The following ANOS1 variants were observed in gnomAD, a reference collection of about 807,000 sequenced individuals.
ANOS1 encodes the protein anosmin-1.
ANOS1 carries 6 observed loss-of-function variants against 59.0 expected under a neutral mutation model. The observed-to-expected ratio is 0.10, with a 90% CI of 0.06 to 0.20. The LOEUF is 0.20. Ranked by LOEUF, ANOS1 falls within the 10% of genes least tolerant of loss-of-function variation. ANOS1 has a pLI of 1.00. For missense variants in ANOS1, 433 were observed against 542.3 expected (o/e 0.80, Z 2.00); for synonymous variants, 217 against 223.4 (o/e 0.97, Z 0.25).
intron 4 of ANOS1, among the ~76,000 whole-genome samples, chrX:8,592,494 C>T (rs768119895): frequency 3.6e-5 from 4 of 111,930 alleles, no homozygotes; most frequent in South Asian, 3.7e-4. Context: ...TGAATCTTTA[C>T]GTTTGTAAAA....
intron 3 of ANOS1, among the ~76,000 whole-genome samples, chrX:8,619,070 CAAAAAAAAAAAAA>C (rs1164164251): frequency 0.53 from 23,599 of 44,636 alleles, 3,410 homozygotes; most frequent in Middle Eastern, 0.72. Context: ...AAACCTCTCT[CAAAAAAAAAAAAA>C]AAAAAAAAAA....
chrX:8,594,751 CATAT>C (rs1194283321), intron 4 of ANOS1, among the ~76,000 whole-genome samples: 3 of 41,597 alleles, frequency 7.2e-5, no homozygotes, highest in African/African-American at 2.2e-4. Flanking sequence ...TATATATATA[CATAT>C]ATATATATAT....
At chrX:8,541,408 C>T (rs1929683437) in intron 9 of ANOS1, among the ~76,000 whole-genome samples, 2 of 68,848 alleles carry the variant, frequency 2.9e-5, no homozygotes, top group African/African-American at 4.5e-5. Flanking sequence ...CGTCTCCCAC[C>T]ACCCCCCCCC....
chrX:8,695,664 AG>A (rs1932673675), intron 2 of ANOS1, among the ~76,000 whole-genome samples: 3 of 104,380 alleles, frequency 2.9e-5, no homozygotes, highest in Admixed American at 1.0e-4. Flanking sequence ...CAGTTTTGCC[AG>A]GAAGTTACAC....
At chrX:8,614,338 G>T (rs1196200023) in intron 3 of ANOS1, among the ~76,000 whole-genome samples, 2 of 112,193 alleles carry the variant, frequency 1.8e-5, no homozygotes, top group African/African-American at 3.2e-5. Flanking sequence ...TCTAGAGACA[G>T]TGTTAGGGAA....
At chrX:8,559,483 C>A (rs1333893848) in intron 8 of ANOS1, among the ~76,000 whole-genome samples, 1 of 111,795 alleles carries the variant, frequency 8.9e-6, no homozygotes, top group African/African-American at 3.2e-5. Flanking sequence ...TAAATCAAAA[C>A]ACCATTAAAT....
chrX:8,673,221 T>C lies in ANOS1; in HGVS notation c.255+26477A>G, dbSNP rs111764414. 6.9e-3 allele frequency among the ~76,000 whole-genome samples: 760 copies of C among 109,890 alleles called. 4 individuals carry two copies. Among genetic ancestry groups the C allele is most frequent in the African/African-American group, 0.017 (507 of 30,240 alleles). On this transcript the variant is annotated intron_variant, in intron 2 of 13. Coordinates refer to ENST00000262648, the MANE Select transcript of ANOS1 (RefSeq NM_000216.4). ...CATTATTTTGGTAAACAGCACTGAA[T>C]GTTCCATGCACGGCAAACAACTAAT... is the stretch of plus-strand genomic sequence containing the variant.
intron 2 of ANOS1, among the ~76,000 whole-genome samples, chrX:8,667,995 C>T (rs760303778): frequency 5.4e-5 from 6 of 110,787 alleles, no homozygotes; most frequent in Non-Finnish European, 9.4e-5. Context: ...AAAATGCTGA[C>T]GAGTGTCAAG....
chrX:8,671,154 T>A lies in ANOS1; in HGVS notation c.255+28544A>T, dbSNP rs192403366. Among the ~76,000 whole-genome samples, 100 of 111,739 alleles carry A rather than the reference T, an allele frequency of 8.9e-4. 1 individual carries two copies. The highest frequency in any genetic ancestry group is 6.8e-3 in the South Asian group (18 of 2,657). ...CCTCTCTGGCTTCCATCACTGCACT[T>A]TATACAGAATATAAAAGACTTGATC... On this transcript the variant is annotated intron_variant, in intron 2 of 13. Transcript: ENST00000262648.
intron 13 of ANOS1, among the ~76,000 whole-genome samples, 193 bp downstream of exon 13, chrX:8,534,126 G>A (rs771543278): frequency 9.0e-6 from 1 of 110,530 alleles, no homozygotes; most frequent in African/African-American, 3.3e-5. Flanking sequence ...ACTATGCAAT[G>A]TATACTACAG....
chrX:8,612,649 T>C (rs544898731), intron 3 of ANOS1, among the ~76,000 whole-genome samples: 1 of 108,500 alleles, frequency 9.2e-6, no homozygotes, highest in African/African-American at 3.4e-5. Flanking sequence ...AATGTCAGTA[T>C]TGCAAAAAGG....
Position 8,571,111 on chromosome X carries a change from C to CA in ANOS1, c.857-408dup, listed in dbSNP as rs201277459. ...TGCGCAAGAGAATGAGACACTGTCT[C>CA]AAAAAAAAAAAAAAAAAGTAAAAGA... On this transcript the variant is annotated intron_variant, in intron 6 of 13. Coordinates refer to ENST00000262648, the MANE Select transcript of ANOS1 (RefSeq NM_000216.4). 7.9e-3 allele frequency among the ~76,000 whole-genome samples: 440 copies of CA among 55,713 alleles called. 1 individual carries two copies. Among genetic ancestry groups the CA allele is most frequent in the Middle Eastern group, 0.03 (2 of 66 alleles). 48.4% of individuals were successfully genotyped at this position (55,713 alleles called of 115,157 possible).
intron 8 of ANOS1, among the ~76,000 whole-genome samples, chrX:8,566,740 A>T (rs1930120658): frequency 9.0e-6 from 1 of 111,351 alleles, no homozygotes. Flanking sequence ...TAATCTCCAA[A>T]GAGACTATTT....
chrX:8,700,548 A>G (rs1932746914), intron 1 of ANOS1, among the ~76,000 whole-genome samples: 1 of 111,790 alleles, frequency 8.9e-6, no homozygotes, highest in Non-Finnish European at 1.9e-5. Context: ...ATCAGATCCC[A>G]CGTGAAAAGC....
intron 2 of ANOS1, among the ~76,000 whole-genome samples, chrX:8,662,606 TAG>T (rs1240150327): frequency 7.1e-5 from 8 of 112,181 alleles, no homozygotes; most frequent in African/African-American, 2.6e-4. Context: ...TATTTAGAAA[TAG>T]AGTCTTTGCA....
intron 3 of ANOS1, among the ~76,000 whole-genome samples, chrX:8,601,609 G>A (rs1046478092): frequency 8.9e-6 from 1 of 112,150 alleles, no homozygotes; most frequent in African/African-American, 3.2e-5. Context: ...CAGTTGATAT[G>A]AGAGTTATTC....
intron 8 of ANOS1, among the ~76,000 whole-genome samples, chrX:8,562,587 A>C (rs767405744): frequency 1.8e-4 from 20 of 112,562 alleles, no homozygotes; most frequent in Non-Finnish European, 3.0e-4. Flanking sequence ...AGTTTTGATT[A>C]ATTTTATAGA....
At chrX:8,722,930 G>C (rs996321571) in intron 1 of ANOS1, among the ~76,000 whole-genome samples, 1 of 111,484 alleles carries the variant, frequency 9.0e-6, no homozygotes, top group Admixed American at 9.6e-5. Flanking sequence ...ATCGTGGTTC[G>C]ACAAAGCAAG....
At chrX:8,587,606 G>C (rs1930540461) in intron 5 of ANOS1, among the ~76,000 whole-genome samples, 188 bp downstream of exon 5, 1 of 111,619 alleles carries the variant, frequency 9.0e-6, no homozygotes, top group Non-Finnish European at 1.9e-5. Flanking sequence ...TCGAGTTTCC[G>C]AGCACATTCG....
Sources: gnomAD v4.1 joint callset for allele counts (sites outside exome capture counted in the v4.1 genomes callset) on GRCh38, gnomAD v4.1.1 for gene constraint, MANE v1.5 for transcripts, NCBI Gene and HGNC (gene_info 2026-07-23, HGNC 2026-07-21) for gene names.